PEAK1: variants seen among roughly 807,000 people sequenced by gnomAD.
The protein encoded by PEAK1 is inactive tyrosine-protein kinase PEAK1.
In PEAK1, 54 loss-of-function variants were observed where a neutral mutation model predicts 124.7. That is an observed-to-expected ratio of 0.43 (90% confidence interval 0.35 to 0.54). The LOEUF is 0.54. Ranked by LOEUF, PEAK1 falls within the 20% of genes least tolerant of loss-of-function variation. The pLI, the probability that PEAK1 is intolerant of heterozygous loss-of-function variation, is 0.01. For synonymous variants in PEAK1, 719 were observed against 760.0 expected (o/e 0.95, Z 0.89); for missense variants, 2,046 against 2,134.5 (o/e 0.96, Z 0.82).
At chr15:77,335,811 T>A (rs2066163373) in intron 2 of PEAK1, 1 of 985,270 alleles carries the variant, frequency 1.0e-6, no homozygotes, top group African/African-American at 1.7e-5. Flanking sequence ...TTTTAATTAA[T>A]CCATGCTTCT....
chr15:77,381,834 G>T (rs971690220), intron 1 of PEAK1, among the ~76,000 whole-genome samples: 2 of 152,114 alleles, frequency 1.3e-5, no homozygotes, highest in African/African-American at 4.8e-5. Context: ...TGATAAAAAG[G>T]GATAGGGCAA....
intron 2 of PEAK1, chr15:77,336,606 A>C (rs1289867892): frequency 1.1e-6 from 1 of 933,562 alleles, no homozygotes; most frequent in Non-Finnish European, 1.3e-6. Flanking sequence ...CTACAGAGCA[A>C]TCTGGCAATA....
chr15:77,180,783 C>T lies in PEAK1; in HGVS notation c.1144G>A (p.Glu382Lys). ...GGACTTTCATAATTGGGCTCAATTT[C>T]CTTCATGTCCTTAGAATCTCCTGGG... ...GNPGDSKDMK[E>K]IEPNYESPSS... Residue 382 changes from glutamate to lysine, a missense_variant, in exon 7 of 10, where the codon GAA (glutamate) becomes AAA (lysine). Coordinates refer to ENST00000682557, the MANE Select transcript of PEAK1 (RefSeq NM_001385026.1). The T allele has an allele frequency of 1.2e-6, 2 of 1,613,956 alleles. No homozygotes were observed. The highest frequency in any genetic ancestry group is 1.7e-6 in the Non-Finnish European group (2 of 1,179,950).
At chr15:77,168,237 G>GCA (rs113937076) in intron 7 of PEAK1, among the ~76,000 whole-genome samples, 41,236 of 147,010 alleles carry the variant, frequency 0.28, 6,369 homozygotes, top group East Asian at 0.57. Context: ...ATGTGCGCGC[G>GCA]CACACACACA....
intron 6 of PEAK1, among the ~76,000 whole-genome samples, chr15:77,201,468 G>A (rs564580938): frequency 5.3e-4 from 80 of 152,036 alleles, no homozygotes; most frequent in African/African-American, 1.8e-3. Flanking sequence ...TTGATCTCCT[G>A]ACCTCGTGAT....
At position 77,114,762 on chromosome 15, in the gene PEAK1, T is replaced by C. The variant is rs374524206; in HGVS notation, c.4635A>G (p.Ser1545=). Residue 1545 remains serine (S), a synonymous_variant, in exon 10 of 10, where the codon TCA becomes TCG. Transcript: ENST00000682557. ...GFGPAEPSPT[S]SYPTRLIVSN... ...TCACTATAAGCCTAGTGGGATAAGATGAGGTGGGGCTGGGCTCTGCAGGCC... is the reference window on the plus strand; with the variant it reads ...TCACTATAAGCCTAGTGGGATAAGACGAGGTGGGGCTGGGCTCTGCAGGCC... The C allele has an allele frequency of 6.2e-7, 1 of 1,612,824 alleles. No individual in the cohort carries two copies. The highest frequency in any genetic ancestry group is 8.5e-7 in the Non-Finnish European group (1 of 1,179,800).
At chr15:77,398,935 CA>C (rs927671006) in intron 1 of PEAK1, among the ~76,000 whole-genome samples, 2 of 149,780 alleles carry the variant, frequency 1.3e-5, no homozygotes, top group South Asian at 2.1e-4. Context: ...AACCAACATA[CA>C]AAAAAAAGTA....
chr15:77,243,825 G>A (rs942815605), intron 6 of PEAK1, among the ~76,000 whole-genome samples: 19 of 152,076 alleles, frequency 1.2e-4, no homozygotes, highest in African/African-American at 3.6e-4. Context: ...AAAATTAGCC[G>A]GGAGTGGTGG....
At chr15:77,116,742 A>ATCTG (rs2051422108) in intron 9 of PEAK1, among the ~76,000 whole-genome samples, 1 of 151,484 alleles carries the variant, frequency 6.6e-6, no homozygotes, top group African/African-American at 2.4e-5. Context: ...CTATCTATCT[A>ATCTG]TCTATCTATC....
At chr15:77,392,749 A>G (rs959087528) in intron 1 of PEAK1, among the ~76,000 whole-genome samples, 4 of 152,222 alleles carry the variant, frequency 2.6e-5, no homozygotes, top group Admixed American at 2.0e-4. Context: ...AGACGCATCC[A>G]CACCAATCGT....
intron 8 of PEAK1, among the ~76,000 whole-genome samples, chr15:77,136,867 G>GGTCTTCA (rs1212712894): frequency 6.6e-6 from 1 of 152,164 alleles, no homozygotes; most frequent in Non-Finnish European, 1.5e-5. Context: ...GCATGTCAAC[G>GGTCTTCA]GTCTTCACGG....
In PEAK1 at chr15:77,258,894, C is replaced by T. The variant is rs1457059122; in HGVS notation, c.-274-6368G>A. Among the ~76,000 whole-genome samples the T allele has an allele frequency of 7.9e-5, 12 of 152,212 alleles. 1 individual carries two copies. The highest frequency in any genetic ancestry group is 4.2e-4 in the South Asian group (2 of 4,796). ...AGATAGCTCTTATTATTTTGAGATA[C>T]GTCCCATCAATACCTAATTTATTGA... is the stretch of plus-strand genomic sequence containing the variant. On this transcript the variant is annotated intron_variant, in intron 5 of 9. Coordinates refer to ENST00000682557, the MANE Select transcript of PEAK1 (RefSeq NM_001385026.1).
intron 5 of PEAK1, among the ~76,000 whole-genome samples, chr15:77,263,603 G>A (rs1381217733): frequency 6.6e-6 from 1 of 152,078 alleles, no homozygotes; most frequent in African/African-American, 2.4e-5. Context: ...TGAAATTGAG[G>A]CAATAATTAA....
intron 1 of PEAK1, among the ~76,000 whole-genome samples, chr15:77,391,037 C>A (rs926824085): frequency 1.3e-5 from 2 of 152,172 alleles, no homozygotes; most frequent in Non-Finnish European, 2.9e-5. Flanking sequence ...TTTAAAGTCA[C>A]AGAGACCTTG....
intron 8 of PEAK1, among the ~76,000 whole-genome samples, chr15:77,147,491 G>C (rs767335404): frequency 6.6e-6 from 1 of 152,064 alleles, no homozygotes. Flanking sequence ...CCTGATTTTC[G>C]CAGTCTGATA....
intron 2 of PEAK1, among the ~76,000 whole-genome samples, chr15:77,322,141 G>A (rs1211573502): frequency 1.3e-5 from 2 of 152,052 alleles, no homozygotes; most frequent in Non-Finnish European, 2.9e-5. Context: ...TGTGTAGAGG[G>A]AAATTTATGG....
At chr15:77,342,583 T>A (rs922813803) in intron 2 of PEAK1, among the ~76,000 whole-genome samples, 7 of 152,116 alleles carry the variant, frequency 4.6e-5, no homozygotes, top group South Asian at 2.1e-4. Flanking sequence ...TTTTTAAAAA[T>A]TTTTTTGTAG....
intron 6 of PEAK1, among the ~76,000 whole-genome samples, chr15:77,248,912 C>T (rs1387618384): frequency 3.3e-5 from 5 of 152,310 alleles, no homozygotes; most frequent in South Asian, 4.1e-4. Context: ...GCAGCCTCTG[C>T]CTCCTGGTTC....
intron 1 of PEAK1, among the ~76,000 whole-genome samples, chr15:77,368,530 G>T (rs1404706123): frequency 1.3e-5 from 2 of 150,532 alleles, no homozygotes; most frequent in African/African-American, 4.9e-5. Flanking sequence ...AAAAAAAAAA[G>T]AGTTAAAAGT....
Sources: gnomAD v4.1 joint callset for allele counts (sites outside exome capture counted in the v4.1 genomes callset) on GRCh38, gnomAD v4.1.1 for gene constraint, MANE v1.5 for transcripts, NCBI Gene and HGNC (gene_info 2026-07-23, HGNC 2026-07-21) for gene names.